Variants in CENPC observed in about 807,000 individuals in gnomAD.
CENPC encodes CENP-C 1.
CENPC carries 63 observed loss-of-function variants against 112.1 expected under a neutral mutation model. The observed-to-expected ratio is 0.56, with a 90% CI of 0.46 to 0.69. The LOEUF (loss-of-function observed/expected upper bound fraction) is 0.69. Among genes scored for constraint, CENPC ranks in the 30% least tolerant of loss-of-function variants. The pLI, the probability that CENPC is intolerant of heterozygous loss-of-function variation, is 0.00. For synonymous variants in CENPC, 333 were observed against 367.6 expected (o/e 0.91, Z 1.08); for missense variants, 1,000 against 1,103.8 (o/e 0.91, Z 1.33).
intron 5 of CENPC, among the ~76,000 whole-genome samples, chr4:67,523,880 A>C (rs1375071275): frequency 6.6e-6 from 1 of 152,082 alleles, no homozygotes; most frequent in African/African-American, 2.4e-5. Flanking sequence ...CAGAAACAAC[A>C]ACAAAAATGG....
chr4:67,499,238 G>GA (rs1271928276), intron 12 of CENPC, among the ~76,000 whole-genome samples: 1 of 152,204 alleles, frequency 6.6e-6, no homozygotes, highest in Non-Finnish European at 1.5e-5. Flanking sequence ...CCCTTAACAA[G>GA]AGAGTCACAG....
rs562919803 is a variant in CENPC, at chr4:67,481,772, G to C, written c.2671-6794C>G. On this transcript the variant is annotated intron_variant, in intron 17 of 18. Coordinates refer to ENST00000273853, the MANE Select transcript of CENPC (RefSeq NM_001812.4). ...TCAACTCAAGATGGATCAAAGACTT[G>C]AAACTAAGACCTGAAGCCATGAAAA... 3.9e-5 allele frequency among the ~76,000 whole-genome samples: 6 copies of C among 152,194 alleles called. No homozygotes were observed. In the South Asian group the frequency reaches 1.2e-3, roughly 32 times the overall value.
chr4:67,486,968 G>GTTTTTTTTTTTTTTT (rs58948980), intron 17 of CENPC, among the ~76,000 whole-genome samples: 1 of 131,820 alleles, frequency 7.6e-6, no homozygotes, highest in Non-Finnish European at 1.6e-5. Context: ...TTGCTTTTAG[G>GTTTTTTTTTTTTTTT]TTTTTTTTTT....
intron 2 of CENPC, among the ~76,000 whole-genome samples, chr4:67,542,938 C>G (rs1023296386): frequency 6.6e-6 from 1 of 152,156 alleles, no homozygotes. Flanking sequence ...TCACATTAGG[C>G]AACAGCTTTT....
At chr4:67,493,834 T>G (rs559331468) in intron 14 of CENPC, 50 bp downstream of exon 14, 20 of 1,234,234 alleles carry the variant, frequency 1.6e-5, no homozygotes, top group African/African-American at 1.2e-4. Flanking sequence ...GTCTGGCACA[T>G]AGTAAACAAA....
chr4:67,470,024 G>C lies in CENPC; in HGVS notation c.*2581C>G, dbSNP rs1724612908. ...AGCACTTGAAATGTGGCAAATGCAA[G>C]TAAGAAACAATATTTTAAATTAATT... is the stretch of plus-strand genomic sequence containing the variant. On this transcript the variant is annotated 3_prime_UTR_variant, in exon 19 of 19. Transcript: ENST00000273853. 1 of 152,216 alleles carries C rather than the reference G, an allele frequency of 6.6e-6. No individual in the cohort carries two copies. Among genetic ancestry groups the C allele is most frequent in the South Asian group, 2.1e-4 (1 of 4,826 alleles). 9.4% of individuals were successfully genotyped at this position (152,216 alleles called of 1,614,324 possible). A position where few individuals can be genotyped will look rare whatever the true frequency, so the allele number is the denominator to read the frequency against.
chr4:67,492,673 G>A, intron 15 of CENPC, 196 bp downstream of exon 15: 1 of 847,164 alleles, frequency 1.2e-6, no homozygotes, highest in Non-Finnish European at 1.6e-6. Flanking sequence ...TTTATAATAT[G>A]CTATTAATAA....
intron 18 of CENPC, chr4:67,474,673 G>A (rs952579391): frequency 6.7e-6 from 3 of 449,136 alleles, no homozygotes; most frequent in Non-Finnish European, 1.2e-5. Context: ...ACTCCAGCCT[G>A]GGTGACAGAG....
chr4:67,477,801 T>A lies in CENPC; in HGVS notation c.2671-2823A>T, dbSNP rs148450005. Among the ~76,000 whole-genome samples, 1,038 of 152,094 alleles carry A rather than the reference T, an allele frequency of 6.8e-3. 12 individuals carry two copies. The highest frequency in any genetic ancestry group is 0.022 in the African/African-American group (906 of 41,498). ...AAAACCAACTTAAAGAATTTTTTTT[T>A]AAAAATACAGGATTTTGATGAAAAA... On this transcript the variant is annotated intron_variant, in intron 17 of 18. Transcript: ENST00000273853.
chr4:67,478,577 A>G (rs1724868689), intron 17 of CENPC, among the ~76,000 whole-genome samples: 1 of 151,970 alleles, frequency 6.6e-6, no homozygotes, highest in Admixed American at 6.6e-5. Flanking sequence ...CAAAAACTCA[A>G]AATATATCAA....
chr4:67,478,526 A>G (rs1450365879), intron 17 of CENPC, among the ~76,000 whole-genome samples: 1 of 152,150 alleles, frequency 6.6e-6, no homozygotes, highest in African/African-American at 2.4e-5. Context: ...CTAACAAGCC[A>G]GCACTACAAC....
intron 16 of CENPC, 70 bp from the exon 17 acceptor site, chr4:67,490,191 A>G (rs545047755): frequency 2.0e-6 from 2 of 1,010,344 alleles, no homozygotes; most frequent in Non-Finnish European, 2.8e-6. Flanking sequence ...ATATACACAT[A>G]TATATAATAA....
intron 5 of CENPC, among the ~76,000 whole-genome samples, chr4:67,520,904 C>G (rs548933981): frequency 6.6e-6 from 1 of 151,880 alleles, no homozygotes; most frequent in African/African-American, 2.4e-5. Flanking sequence ...CCCAGCTACT[C>G]GGGAGGCTGA....
intron 4 of CENPC, among the ~76,000 whole-genome samples, chr4:67,534,522 G>A (rs575811159): frequency 6.6e-6 from 1 of 152,340 alleles, no homozygotes; most frequent in African/African-American, 2.4e-5. Context: ...AGACACAGGT[G>A]AAGTTAAGGG....
At chr4:67,505,113 G>T in intron 12 of CENPC, 92 bp downstream of exon 12, 1 of 854,880 alleles carries the variant, frequency 1.2e-6, no homozygotes, top group Non-Finnish European at 1.9e-6. Flanking sequence ...ATATACACTC[G>T]CCATCAGTGA....
intron 7 of CENPC, among the ~76,000 whole-genome samples, chr4:67,516,754 G>C (rs1726069296): frequency 6.6e-6 from 1 of 151,972 alleles, no homozygotes; most frequent in Non-Finnish European, 1.5e-5. Context: ...GGGAAAGATG[G>C]CTTCTAATTA....
chr4:67,472,010 G>C lies in CENPC; in HGVS notation c.*595C>G, dbSNP rs1724672541. 6.6e-6 allele frequency: 1 copy of C among 152,314 alleles called. No individual in the cohort carries two copies. The highest frequency in any genetic ancestry group is 1.9e-4 in the East Asian group (1 of 5,192). 9.4% of individuals were successfully genotyped at this position (152,314 alleles called of 1,614,324 possible). On this transcript the variant is annotated 3_prime_UTR_variant, in exon 19 of 19. Transcript: ENST00000273853. Reference sequence around the variant, plus strand: ...TGAAATGCTACCGGTGCAAGCCAAGGAATGCCAGAAATTGCCAGTAAACCA... The same window carrying C: ...TGAAATGCTACCGGTGCAAGCCAAGCAATGCCAGAAATTGCCAGTAAACCA...
At chr4:67,490,879 GAAAT>G (rs3032629) in intron 16 of CENPC, among the ~76,000 whole-genome samples, 120,169 of 135,368 alleles carry the variant, frequency 0.89, 53,237 homozygotes, top group Admixed American at 0.93. Context: ...TATATATATA[GAAAT>G]ATATAGAAAT....
In CENPC at chr4:67,519,656, A is replaced by G. The variant is rs573666673; in HGVS notation, c.332-154T>C. The stretch of plus-strand genomic sequence containing the variant: ...GAATCAAAGATCTATGATTAAAATA[A>G]GTAAGTACTTAAGATTCTTCTATCT... On this transcript the variant is annotated intron_variant, in intron 5 of 18. Coordinates refer to ENST00000273853, the MANE Select transcript of CENPC (RefSeq NM_001812.4). Among the ~76,000 whole-genome samples the G allele has an allele frequency of 1.3e-5, 2 of 152,312 alleles. 1 individual carries two copies. The highest frequency in any genetic ancestry group is 3.9e-4 in the East Asian group (2 of 5,190).
Sources: gnomAD v4.1 joint callset for allele counts (sites outside exome capture counted in the v4.1 genomes callset) on GRCh38, gnomAD v4.1.1 for gene constraint, MANE v1.5 for transcripts, NCBI Gene and HGNC (gene_info 2026-07-23, HGNC 2026-07-21) for gene names.